The following HSPA9 variants were observed in gnomAD, a reference collection of about 807,000 sequenced individuals.
The protein encoded by HSPA9 is stress-70 protein, mitochondrial.
Under a neutral mutation model 81.5 loss-of-function variants are expected in HSPA9, and 28 were observed. The observed-to-expected ratio is 0.34, with a 90% CI of 0.25 to 0.47. HSPA9 has a LOEUF of 0.47. Ranked by LOEUF, HSPA9 falls within the 20% of genes least tolerant of loss-of-function variation. The pLI, the probability that HSPA9 is intolerant of heterozygous loss-of-function variation, is 1.00. For synonymous variants in HSPA9, 293 were observed against 290.4 expected, an observed-to-expected ratio of 1.01 and a Z score of -0.09; for missense variants, 678 against 838.0, an observed-to-expected ratio of 0.81 and a Z score of 2.36.
In HSPA9 at chr5:138,557,447, C is replaced by A; in HGVS notation, c.1683G>T (p.Met561Ile). Residue 561 changes from methionine to isoleucine, a missense_variant, in exon 14 of 17, where the codon ATG becomes ATT. By Grantham distance (10) the Met-to-Ile change is conservative (BLOSUM62 1). Coordinates refer to ENST00000297185, the MANE Select transcript of HSPA9 (RefSeq NM_004134.7). ...CAGCATATTTCTCTGCATTTTTAAC[C>A]ATATTTTCAATATCATCTTTGCTTA... ...GGLSKDDIEN[M>I]VKNAEKYAEE... 6.2e-7 allele frequency: 1 copy of A among 1,611,228 alleles called. No homozygotes were observed. The highest frequency in any genetic ancestry group is 2.2e-5 in the East Asian group (1 of 44,878).
chr5:138,568,452 A>G (rs540731433), intron 5 of HSPA9, among the ~76,000 whole-genome samples: 1 of 152,308 alleles, frequency 6.6e-6, no homozygotes, highest in Non-Finnish European at 1.5e-5. Context: ...GGCTTTGGTG[A>G]GCCGAGATTG....
rs529391699 is a variant in HSPA9, at chr5:138,559,436, C to G, written c.1410+428G>C. On this transcript the variant is annotated intron_variant, in intron 11 of 16. Coordinates refer to ENST00000297185, the MANE Select transcript of HSPA9 (RefSeq NM_004134.7). ...TTCCTACTTCAAGAACAAGCCATGTCCAAGTAGCCCTGCTTGGTATCTCGG... is the reference window on the plus strand; with the variant it reads ...TTCCTACTTCAAGAACAAGCCATGTGCAAGTAGCCCTGCTTGGTATCTCGG... 2.0e-5 allele frequency among the ~76,000 whole-genome samples: 3 copies of G among 152,248 alleles called. No individual in the cohort carries two copies. The South Asian group carries it at 6.2e-4, about 32-fold the overall frequency.
intron 11 of HSPA9, among the ~76,000 whole-genome samples, chr5:138,559,489 C>G (rs1750606573): frequency 1.3e-5 from 2 of 152,126 alleles, no homozygotes; most frequent in South Asian, 4.1e-4. Context: ...CTTCATTCAT[C>G]CATAAGATAA....
chr5:138,563,711 T>C (rs1750705263), intron 9 of HSPA9, among the ~76,000 whole-genome samples: 1 of 152,188 alleles, frequency 6.6e-6, no homozygotes. Context: ...AGCCCAAGGG[T>C]ATCCAATCTT....
Position 138,558,554 on chromosome 5 carries a change from A to G in HSPA9, c.1514T>C (p.Leu505Ser), listed in dbSNP as rs760677747. ...TATTCAGGATTCACAATAACCTACC[A>G]AAGTAAACTGTCCAAGGAGTTTGTT... Reference protein sequence around the residue: ...GDNKLLGQFTLIGIPPAPRGV... With the variant: ...GDNKLLGQFTSIGIPPAPRGV... The change falls in exon 12 of 17, where the codon TTG becomes TCG. Residue 505 changes from leucine to serine, a missense_variant and splice_region_variant. Physicochemically the swap from Leu to Ser is moderately radical, Grantham distance 145. Coordinates refer to ENST00000297185, the MANE Select transcript of HSPA9 (RefSeq NM_004134.7). 6.3e-7 allele frequency: 1 copy of G among 1,579,762 alleles called. No individual in the cohort carries two copies. Among genetic ancestry groups the G allele is most frequent in the South Asian group, 1.1e-5 (1 of 90,408 alleles).
intron 10 of HSPA9, chr5:138,560,998 T>A: frequency 2.1e-6 from 1 of 470,606 alleles, no homozygotes; most frequent in South Asian, 1.5e-5. Context: ...AGGTCCAAGA[T>A]AATCCTATTT....
At chr5:138,558,043 T>C in intron 12 of HSPA9, 57 bp from the exon 13 acceptor site, 3 of 1,091,516 alleles carry the variant, frequency 2.7e-6, no homozygotes, top group South Asian at 1.2e-5. Context: ...AGTGCTATTA[T>C]TTCCAAATCT....
chr5:138,557,237 C>T (rs1750548521), intron 14 of HSPA9, 165 bp downstream of exon 14: 1 of 670,846 alleles, frequency 1.5e-6, no homozygotes, highest in Non-Finnish European at 2.8e-6. Context: ...GTAGCTGGGA[C>T]TGCAGGCGTG....
intron 3 of HSPA9, among the ~76,000 whole-genome samples, chr5:138,572,575 C>T (rs567228980): frequency 2.8e-4 from 42 of 152,268 alleles, no homozygotes; most frequent in African/African-American, 7.5e-4. Flanking sequence ...TTATTCCCAC[C>T]GGGTTCTTAG....
In HSPA9 at chr5:138,571,219, C is replaced by T. The variant is rs762074379; in HGVS notation, c.229-78G>A. On this transcript the variant is annotated intron_variant, in intron 3 of 16. Coordinates refer to ENST00000297185, the MANE Select transcript of HSPA9 (RefSeq NM_004134.7). ...TTTTTGAGATGGAGTCTCACTCTGT[C>T]GCTAAGGCTGGAGTACAATGGCACA... 15 of 1,429,120 alleles carry T rather than the reference C, an allele frequency of 1.0e-5. No individual in the cohort carries two copies. The African/African-American group carries it at 1.1e-4, about 11-fold the overall frequency. The allele number at this position is 1,429,120 out of a possible 1,614,324, so 88.5% of individuals were successfully genotyped here.
chr5:138,563,125 T>A (rs1750694317), intron 9 of HSPA9, among the ~76,000 whole-genome samples: 1 of 152,224 alleles, frequency 6.6e-6, no homozygotes, highest in Non-Finnish European at 1.5e-5. Flanking sequence ...ATTTCTTTTT[T>A]GCAAAATGTT....
At chr5:138,561,037 C>T (rs1750648317) in intron 10 of HSPA9, 1 of 494,874 alleles carries the variant, frequency 2.0e-6, no homozygotes, top group Middle Eastern at 3.2e-4. Flanking sequence ...GCATCTTCAA[C>T]AGGTTTGTGC....
chr5:138,569,300 T>A (rs983539488), intron 4 of HSPA9, among the ~76,000 whole-genome samples: 5 of 152,034 alleles, frequency 3.3e-5, no homozygotes, highest in Non-Finnish European at 7.3e-5. Context: ...CTCAACATTC[T>A]TTATTTAGCG....
chr5:138,570,108 G>A (rs1750845983), intron 4 of HSPA9, among the ~76,000 whole-genome samples: 1 of 151,908 alleles, frequency 6.6e-6, no homozygotes, highest in African/African-American at 2.4e-5. Flanking sequence ...GAACTCCTGA[G>A]CTCACCTCAG....
chr5:138,559,001 TTTC>T (rs1361799739), intron 11 of HSPA9: 6 of 283,888 alleles, frequency 2.1e-5, no homozygotes, highest in African/African-American at 1.3e-4. Context: ...ACCACATACT[TTTC>T]TTCAGAGTGA....
intron 10 of HSPA9, 120 bp from the exon 11 acceptor site, chr5:138,560,211 G>A: frequency 1.3e-6 from 1 of 743,084 alleles, no homozygotes; most frequent in South Asian, 1.5e-5. Flanking sequence ...TCAAATCTGA[G>A]AATGTTTATT....
intron 9 of HSPA9, among the ~76,000 whole-genome samples, chr5:138,562,375 C>T (rs1411205255): frequency 6.6e-6 from 1 of 151,252 alleles, no homozygotes; most frequent in Non-Finnish European, 1.5e-5. Context: ...TGGTGAAACC[C>T]CGTCTCTACT....
intron 14 of HSPA9, 181 bp from the exon 15 acceptor site, chr5:138,557,047 TG>T (rs2127152680): frequency 3.1e-6 from 2 of 651,646 alleles, no homozygotes; most frequent in South Asian, 3.4e-5. Flanking sequence ...GGCTAGATTT[TG>T]TAACATCAGA....
chr5:138,567,109 A>G lies in HSPA9; in HGVS notation c.771T>C (p.Ile257=), dbSNP rs544365360. The G allele has an allele frequency of 9.1e-5, 147 of 1,613,812 alleles. No individual in the cohort carries two copies. In the South Asian group the frequency reaches 1.5e-3, roughly 17 times the overall value. ...ATTTCACCTCAAATACTCCTTTCTG[A>G]ATTTCCAGGATAGAAATATCAAAAG... ...GGTFDISILE[I]QKGVFEVKST... The change falls in exon 8 of 17, where the codon ATT becomes ATC. Residue 257 remains isoleucine (I), a synonymous_variant. Coordinates refer to ENST00000297185, the MANE Select transcript of HSPA9 (RefSeq NM_004134.7).
Sources: allele counts gnomAD v4.1 joint callset (sites outside exome capture counted in the v4.1 genomes callset), GRCh38; gene constraint gnomAD v4.1.1; transcripts MANE v1.5; gene names NCBI Gene and HGNC (gene_info 2026-07-23, HGNC 2026-07-21).